Variants in CHRM3 observed in about 807,000 individuals in gnomAD.
The protein encoded by CHRM3 is cholinergic receptor muscarinic 3.
CHRM3 carries 11 observed loss-of-function variants against 41.8 expected under a neutral mutation model. The observed-to-expected ratio is 0.26, with a 90% CI of 0.17 to 0.44. The LOEUF (loss-of-function observed/expected upper bound fraction) is 0.44. CHRM3 is among the 20% of genes least tolerant of loss of function. The pLI is 1.00. For synonymous variants in CHRM3, 297 were observed against 301.4 expected (o/e 0.99, Z 0.15); for missense variants, 571 against 745.4 (o/e 0.77, Z 2.72).
intron 1 of CHRM3, among the ~76,000 whole-genome samples, chr1:239,446,088 C>CCGCT (rs1484834773): frequency 3.3e-5 from 5 of 152,084 alleles, no homozygotes; most frequent in Non-Finnish European, 7.4e-5. Flanking sequence ...AGGTGTGCAC[C>CCGCT]ACCACACCCG....
At chr1:239,503,374 A>C (rs1458719196) in intron 2 of CHRM3, among the ~76,000 whole-genome samples, 1 of 152,130 alleles carries the variant, frequency 6.6e-6, no homozygotes, top group Non-Finnish European at 1.5e-5. Flanking sequence ...AAAGACCTCT[A>C]CAAGGAAAAC....
At chr1:239,850,067 A>G (rs1035057583) in intron 6 of CHRM3, among the ~76,000 whole-genome samples, 3 of 152,160 alleles carry the variant, frequency 2.0e-5, no homozygotes, top group Non-Finnish European at 1.5e-5. Context: ...TTCACAGTCA[A>G]AAATCTGCAT....
intron 2 of CHRM3, among the ~76,000 whole-genome samples, chr1:239,529,894 A>G (rs1310402): frequency 0.46 from 69,583 of 151,140 alleles, 16,752 homozygotes; most frequent in Middle Eastern, 0.63. Context: ...ACAATTTATT[A>G]TTATTATTAT....
intron 6 of CHRM3, among the ~76,000 whole-genome samples, chr1:239,889,282 G>A (rs566135433): frequency 1.3e-5 from 2 of 152,234 alleles, no homozygotes; most frequent in East Asian, 3.9e-4. Flanking sequence ...GCTAGGACTA[G>A]GTGCACTATT....
intron 5 of CHRM3, among the ~76,000 whole-genome samples, chr1:239,706,717 CAT>C (rs2148160218): frequency 6.6e-6 from 1 of 151,776 alleles, no homozygotes; most frequent in African/African-American, 2.4e-5. Context: ...TGCATGTACA[CAT>C]ACACATGGAG....
chr1:239,507,428 C>T (rs187929604), intron 2 of CHRM3, among the ~76,000 whole-genome samples: 282 of 152,290 alleles, frequency 1.9e-3, no homozygotes, highest in African/African-American at 6.3e-3. Context: ...AGACATGCCT[C>T]CACCTTCTAC....
chr1:239,618,749 C>G (rs983268314), intron 3 of CHRM3, among the ~76,000 whole-genome samples: 6 of 145,164 alleles, frequency 4.1e-5, no homozygotes, highest in Admixed American at 2.8e-4. Context: ...GAGGCTGAGG[C>G]AGGAGAATGG....
intron 2 of CHRM3, among the ~76,000 whole-genome samples, chr1:239,529,625 A>T: frequency 9.4e-6 from 1 of 106,230 alleles, no homozygotes; most frequent in South Asian, 2.9e-4. Context: ...AAAAAAAAAA[A>T]AAAAAACAAA....
At chr1:239,741,519 G>C (rs564990886) in intron 5 of CHRM3, among the ~76,000 whole-genome samples, 1 of 152,110 alleles carries the variant, frequency 6.6e-6, no homozygotes, top group Non-Finnish European at 1.5e-5. Flanking sequence ...TTCTGCTTCT[G>C]CTATGTTCTC....
At chr1:239,393,925 C>T (rs1178199983) in intron 1 of CHRM3, among the ~76,000 whole-genome samples, 1 of 152,032 alleles carries the variant, frequency 6.6e-6, no homozygotes, top group South Asian at 2.1e-4. Context: ...ATCTATCTAC[C>T]TATCAATTAT....
intron 6 of CHRM3, among the ~76,000 whole-genome samples, chr1:239,838,377 A>G (rs2149140785): frequency 6.6e-6 from 1 of 152,258 alleles, no homozygotes; most frequent in South Asian, 2.1e-4. Context: ...ATGCCATCCT[A>G]CACCACAAAC....
chr1:239,667,326 C>T (rs1673908368), intron 4 of CHRM3, among the ~76,000 whole-genome samples: 1 of 152,190 alleles, frequency 6.6e-6, no homozygotes, highest in Non-Finnish European at 1.5e-5. Flanking sequence ...AATAAGTTCT[C>T]TTCTCTGTCC....
intron 3 of CHRM3, among the ~76,000 whole-genome samples, chr1:239,565,760 A>G (rs1274194233): frequency 2.0e-5 from 3 of 152,118 alleles, no homozygotes; most frequent in Admixed American, 1.3e-4. Context: ...ATTTGTTAAC[A>G]TGGTGAAGTA....
At chr1:239,797,298 A>G (rs754246046) in intron 5 of CHRM3, among the ~76,000 whole-genome samples, 3 of 152,286 alleles carry the variant, frequency 2.0e-5, no homozygotes, top group African/African-American at 4.8e-5. Flanking sequence ...AAAACTCAGC[A>G]TCACGCAATA....
At chr1:239,743,786 TTC>T (rs1389927603) in intron 5 of CHRM3, among the ~76,000 whole-genome samples, 68 of 142,700 alleles carry the variant, frequency 4.8e-4, no homozygotes, top group Non-Finnish European at 7.8e-4. Context: ...TCTTTTTTTT[TTC>T]TTTTTTTTTT....
chr1:239,637,812 A>T (rs1252093239), intron 4 of CHRM3, among the ~76,000 whole-genome samples: 1 of 150,364 alleles, frequency 6.7e-6, no homozygotes, highest in Non-Finnish European at 1.5e-5. Flanking sequence ...CATGTGCACA[A>T]TGTGGTTAGT....
intron 2 of CHRM3, among the ~76,000 whole-genome samples, chr1:239,534,394 T>G (rs1657994582): frequency 6.6e-6 from 1 of 152,192 alleles, no homozygotes. Flanking sequence ...TCAAAGCGTA[T>G]TCACAGAATA....
intron 6 of CHRM3, among the ~76,000 whole-genome samples, chr1:239,843,836 A>G (rs932928945): frequency 1.3e-5 from 2 of 152,014 alleles, no homozygotes; most frequent in African/African-American, 4.8e-5. Flanking sequence ...ATTGTTTGCC[A>G]AGTATTCTCT....
At chr1:239,746,905 G>A (rs754656649) in intron 5 of CHRM3, among the ~76,000 whole-genome samples, 51 of 151,812 alleles carry the variant, frequency 3.4e-4, no homozygotes, top group Admixed American at 5.3e-4. Context: ...CTACAGGTGC[G>A]TGCCACCAAC....
Sources: gnomAD v4.1 joint callset for allele counts (sites outside exome capture counted in the v4.1 genomes callset) on GRCh38, gnomAD v4.1.1 for gene constraint, MANE v1.5 for transcripts, NCBI Gene and HGNC (gene_info 2026-07-23, HGNC 2026-07-21) for gene names.